Variants in JADE1 observed in about 807,000 individuals in gnomAD.
JADE1 encodes protein Jade-1.
In JADE1, 14 loss-of-function variants were observed where a neutral mutation model predicts 81.8. The ratio of observed to expected loss-of-function variants is 0.17; its 90% confidence interval spans 0.11 to 0.27. The LOEUF is 0.27. JADE1 is among the 10% of genes least tolerant of loss of function. JADE1 has a pLI of 1.00. For synonymous variants in JADE1, 353 were observed against 391.9 expected (o/e 0.90, Z 1.17); for missense variants, 690 against 1,047.9 (o/e 0.66, Z 4.71).
At chr4:128,831,228 G>A (rs1169044468) in intron 1 of JADE1, among the ~76,000 whole-genome samples, 1 of 152,074 alleles carries the variant, frequency 6.6e-6, no homozygotes, top group Admixed American at 6.5e-5. Flanking sequence ...GATTTGTTTT[G>A]TTTCTTTCGC....
rs1440409811 is a variant in JADE1, at chr4:128,874,908, C to CTTATT, written c.*2649_*2653dup. On this transcript the variant is annotated 3_prime_UTR_variant, in exon 11 of 11. Coordinates refer to ENST00000226319, the MANE Select transcript of JADE1 (RefSeq NM_199320.4). ...AGGGTTTTATGTGTTGTGTACAAATCTTATTTTGAAATGGACAAACTTGTC... is the reference window on the plus strand; with the variant it reads ...AGGGTTTTATGTGTTGTGTACAAATCTTATTTTATTTTGAAATGGACAAACTTGTC... 1.3e-5 allele frequency: 2 copies of CTTATT among 151,552 alleles called. No homozygotes were observed. Among genetic ancestry groups the CTTATT allele is most frequent in the Non-Finnish European group, 2.9e-5 (2 of 67,892 alleles). The allele number at this position is 151,552 out of a possible 1,614,324, so 9.4% of individuals were successfully genotyped here.
intron 1 of JADE1, among the ~76,000 whole-genome samples, chr4:128,816,969 G>A (rs1341189033): frequency 6.7e-6 from 1 of 149,558 alleles, no homozygotes; most frequent in African/African-American, 2.5e-5. Context: ...GTGGGTTCAA[G>A]TGAGTCAGCC....
At chr4:128,843,596 A>AT (rs1729628345) in intron 3 of JADE1, among the ~76,000 whole-genome samples, 1 of 152,116 alleles carries the variant, frequency 6.6e-6, no homozygotes, top group Non-Finnish European at 1.5e-5. Flanking sequence ...TTTTAGGTGC[A>AT]TTTCTTTCTG....
intron 1 of JADE1, among the ~76,000 whole-genome samples, chr4:128,811,010 C>T (rs1313142218): frequency 1.3e-5 from 2 of 152,154 alleles, no homozygotes; most frequent in Non-Finnish European, 2.9e-5. Flanking sequence ...AGTGTGTACC[C>T]CGGGACTGCA....
intron 3 of JADE1, among the ~76,000 whole-genome samples, chr4:128,845,069 C>T (rs1426965537): frequency 2.6e-5 from 4 of 152,208 alleles, no homozygotes; most frequent in African/African-American, 9.6e-5. Context: ...TTGCTCGATG[C>T]CAAACACAAC....
At chr4:128,855,604 C>T in intron 6 of JADE1, 26 bp from the exon 7 acceptor site, 2 of 1,586,128 alleles carry the variant, frequency 1.3e-6, no homozygotes, top group Non-Finnish European at 8.6e-7. Flanking sequence ...CTCTCTATTC[C>T]TCTGGGATGT....
chr4:128,821,493 C>CT lies in JADE1; in HGVS notation c.-26-10222dup, dbSNP rs66551703. Among the ~76,000 whole-genome samples, 459 of 118,812 alleles carry CT rather than the reference C, an allele frequency of 3.9e-3. 3 individuals are homozygous for CT. The highest frequency in any genetic ancestry group is 0.013 in the East Asian group (57 of 4,238). 77.9% of individuals were successfully genotyped at this position (118,812 alleles called of 152,430 possible). A position where few individuals can be genotyped will look rare whatever the true frequency, so the allele number is the denominator to read the frequency against. ...GGATAAGGAGTTGAAATGGCTTCTTCTTTTTTTTTTTTTTTTTTGAGAGGG... is the reference window on the plus strand; with the variant it reads ...GGATAAGGAGTTGAAATGGCTTCTTCTTTTTTTTTTTTTTTTTTTGAGAGGG... On this transcript the variant is annotated intron_variant, in intron 1 of 10. Transcript: ENST00000226319.
intron 1 of JADE1, among the ~76,000 whole-genome samples, chr4:128,812,471 C>G (rs948294215): frequency 2.0e-5 from 3 of 152,074 alleles, no homozygotes; most frequent in South Asian, 2.1e-4. Flanking sequence ...GATCCTTAGC[C>G]TTCTCACGTC....
At chr4:128,831,003 A>T (rs913491524) in intron 1 of JADE1, among the ~76,000 whole-genome samples, 1 of 152,158 alleles carries the variant, frequency 6.6e-6, no homozygotes, top group Non-Finnish European at 1.5e-5. Flanking sequence ...AAGGGAGCTG[A>T]GGTGAAGTGG....
At chr4:128,827,843 A>G (rs1022050507) in intron 1 of JADE1, 99 of 983,588 alleles carry the variant, frequency 1.0e-4, no homozygotes, top group Admixed American at 2.5e-4. Flanking sequence ...GCAATTGGCT[A>G]TAAGGTGAGA....
At chr4:128,859,458 CGT>C (rs937921460) in intron 8 of JADE1, among the ~76,000 whole-genome samples, 5 of 151,120 alleles carry the variant, frequency 3.3e-5, no homozygotes, top group Non-Finnish European at 7.4e-5. Context: ...CGCGTGAGTG[CGT>C]GAGTATGCAC....
intron 1 of JADE1, among the ~76,000 whole-genome samples, chr4:128,824,768 C>T (rs1727897735): frequency 6.6e-6 from 1 of 152,146 alleles, no homozygotes; most frequent in African/African-American, 2.4e-5. Context: ...CCTTCTAGAA[C>T]TTCTTGAGTG....
intron 1 of JADE1, among the ~76,000 whole-genome samples, chr4:128,814,146 G>A (rs930127952): frequency 1.3e-5 from 2 of 152,164 alleles, no homozygotes; most frequent in African/African-American, 4.8e-5. Context: ...GGTTGAAAGA[G>A]TAGCTATACA....
At chr4:128,839,830 T>G (rs1344830171) in intron 2 of JADE1, among the ~76,000 whole-genome samples, 1 of 152,226 alleles carries the variant, frequency 6.6e-6, no homozygotes. Flanking sequence ...GGTGGATGTT[T>G]AGGTTGTTTC....
chr4:128,850,894 G>T (rs1036977454), intron 5 of JADE1, among the ~76,000 whole-genome samples: 2 of 152,144 alleles, frequency 1.3e-5, no homozygotes, highest in African/African-American at 2.4e-5. Flanking sequence ...TAAACGGAAC[G>T]CATGCTTAAA....
Position 128,839,207 on chromosome 4 carries a change from A to AT in JADE1, c.53-3744dup, listed in dbSNP as rs374427892. ...GTCTTATACCAGTGGCTCTTGATAGATTAACTTTTTGGTACAACAAGAAAA... is the reference window on the plus strand; with the variant it reads ...GTCTTATACCAGTGGCTCTTGATAGATTTAACTTTTTGGTACAACAAGAAAA... On this transcript the variant is annotated intron_variant, in intron 2 of 10. Coordinates refer to ENST00000226319, the MANE Select transcript of JADE1 (RefSeq NM_199320.4). 3.7e-3 allele frequency among the ~76,000 whole-genome samples: 564 copies of AT among 152,336 alleles called. 3 individuals are homozygous for AT. The highest frequency in any genetic ancestry group is 0.024 in the Middle Eastern group (7 of 294).
chr4:128,853,453 G>A (rs372151765), intron 6 of JADE1, among the ~76,000 whole-genome samples: 4 of 152,310 alleles, frequency 2.6e-5, no homozygotes, highest in East Asian at 1.9e-4. Flanking sequence ...AAACAGGACA[G>A]TAGGTTTTGG....
intron 5 of JADE1, among the ~76,000 whole-genome samples, chr4:128,850,312 C>CAAAA (rs10626914): frequency 1.4e-5 from 2 of 139,962 alleles, no homozygotes; most frequent in Non-Finnish European, 3.1e-5. Flanking sequence ...GACTCCATCT[C>CAAAA]AAAAAAAAAA....
chr4:128,835,804 G>T (rs1305099838), intron 2 of JADE1, among the ~76,000 whole-genome samples: 1 of 152,202 alleles, frequency 6.6e-6, no homozygotes, highest in African/African-American at 2.4e-5. Context: ...GCTGGCCTCT[G>T]GTCTGGAGCC....
Sources: allele counts gnomAD v4.1 joint callset (sites outside exome capture counted in the v4.1 genomes callset), GRCh38; gene constraint gnomAD v4.1.1; transcripts MANE v1.5; gene names NCBI Gene and HGNC (gene_info 2026-07-23, HGNC 2026-07-21).